Variants in TRPM6 observed in about 807,000 individuals in gnomAD.
The protein encoded by TRPM6 is channel kinase 2.
TRPM6 carries 111 observed loss-of-function variants against 247.6 expected under a neutral mutation model. The ratio of observed to expected loss-of-function variants is 0.45; its 90% CI spans 0.38 to 0.52. TRPM6 has a LOEUF of 0.52. Ranked by LOEUF, TRPM6 falls within the 20% of genes least tolerant of loss-of-function variation. The probability of loss-of-function intolerance (pLI) is 0.00; values close to 1 mark genes in which losing one functional copy is unlikely to be tolerated. For synonymous variants in TRPM6, 892 were observed against 853.8 expected (o/e 1.04, Z -0.78); for missense variants, 2,126 against 2,421.5 (o/e 0.88, Z 2.56).
intron 1 of TRPM6, among the ~76,000 whole-genome samples, chr9:74,868,108 T>C (rs1830910401): frequency 7.1e-6 from 1 of 141,432 alleles, no homozygotes; most frequent in Admixed American, 7.1e-5. Flanking sequence ...AGGCTGAGAT[T>C]GCACCCCTGT....
At chr9:74,755,540 A>G in intron 27 of TRPM6, 67 bp from the exon 28 acceptor site, 1 of 1,600,994 alleles carries the variant, frequency 6.2e-7, no homozygotes, top group African/African-American at 1.3e-5. Flanking sequence ...TCACACTAAC[A>G]GAAGCACCAT....
intron 28 of TRPM6, among the ~76,000 whole-genome samples, chr9:74,753,110 C>CAAAAAAA (rs35980332): frequency 1.1e-4 from 11 of 103,984 alleles, no homozygotes; most frequent in African/African-American, 1.4e-4. Context: ...GAGACTGTCT[C>CAAAAAAA]AAAAAAAAAA....
At chr9:74,775,754 G>T (rs544908755) in intron 24 of TRPM6, 129 bp downstream of exon 24, 111 of 937,056 alleles carry the variant, frequency 1.2e-4, no homozygotes, top group Non-Finnish European at 1.7e-4. Context: ...AGCATCAGCT[G>T]ATATTCTATT....
chr9:74,728,658 A>G (rs967059708), intron 37 of TRPM6, among the ~76,000 whole-genome samples: 4 of 152,240 alleles, frequency 2.6e-5, no homozygotes, highest in Non-Finnish European at 5.9e-5. Flanking sequence ...TTTTTAATGC[A>G]TATGGGGTGA....
At position 74,785,808 on chromosome 9, in the gene TRPM6, C is replaced by A. The variant is rs570289725; in HGVS notation, c.2919+66G>T. On this transcript the variant is annotated intron_variant, in intron 21 of 38. Transcript: ENST00000360774. The stretch of plus-strand genomic sequence containing the variant: ...AAAGTGCTGGGATTACAGGTGTGAG[C>A]CACCACACCTGGCTAAAAATAATTT... 19 of 1,574,854 alleles carry A rather than the reference C, an allele frequency of 1.2e-5. No homozygotes were observed. In the East Asian group the frequency reaches 4.0e-4, roughly 33 times the overall value.
intron 1 of TRPM6, among the ~76,000 whole-genome samples, chr9:74,871,442 G>T (rs1248037590): frequency 6.6e-6 from 1 of 152,004 alleles, no homozygotes; most frequent in Non-Finnish European, 1.5e-5. Context: ...GATTAATAAT[G>T]ATATGTAATA....
At chr9:74,793,589 T>C (rs1187927955) in intron 18 of TRPM6, among the ~76,000 whole-genome samples, 1 of 152,192 alleles carries the variant, frequency 6.6e-6, no homozygotes, top group Non-Finnish European at 1.5e-5. Context: ...TAATGAACAA[T>C]ACAATTATTT....
intron 3 of TRPM6, 120 bp from the exon 4 acceptor site, chr9:74,842,463 G>A: frequency 9.6e-7 from 1 of 1,042,606 alleles, no homozygotes; most frequent in East Asian, 2.6e-5. Flanking sequence ...TCACATTAAG[G>A]TTTATATTAA....
At chr9:74,798,423 G>A (rs979441104) in intron 17 of TRPM6, among the ~76,000 whole-genome samples, 2 of 151,952 alleles carry the variant, frequency 1.3e-5, no homozygotes, top group African/African-American at 4.8e-5. Flanking sequence ...CAATCTTCTA[G>A]GTCTGGAAAA....
intron 6 of TRPM6, among the ~76,000 whole-genome samples, chr9:74,830,421 G>T (rs1171423602): frequency 6.6e-6 from 1 of 151,994 alleles, no homozygotes; most frequent in Non-Finnish European, 1.5e-5. Flanking sequence ...TTTAGACAAG[G>T]TCTAATTCTG....
At chr9:74,766,869 C>T (rs1826843750) in intron 25 of TRPM6, among the ~76,000 whole-genome samples, 1 of 151,968 alleles carries the variant, frequency 6.6e-6, no homozygotes, top group Admixed American at 6.5e-5. Context: ...GAGATCATGC[C>T]ATTGCACTCC....
At chr9:74,807,469 T>G (rs185058915) in intron 14 of TRPM6, among the ~76,000 whole-genome samples, 10 of 152,352 alleles carry the variant, frequency 6.6e-5, no homozygotes, top group Non-Finnish European at 1.5e-4. Context: ...TAGGCAATGT[T>G]TCCTCTGCTA....
chr9:74,794,315 A>C (rs888638863), intron 18 of TRPM6, among the ~76,000 whole-genome samples: 5 of 152,202 alleles, frequency 3.3e-5, no homozygotes, highest in African/African-American at 1.2e-4. Flanking sequence ...TTTTAAGCCA[A>C]GGAATGAATC....
intron 1 of TRPM6, among the ~76,000 whole-genome samples, chr9:74,863,881 C>T (rs1191346622): frequency 2.3e-5 from 3 of 132,936 alleles, no homozygotes; most frequent in Non-Finnish European, 3.3e-5. Context: ...CCACCGCGCC[C>T]GGCAACCTTT....
intron 6 of TRPM6, among the ~76,000 whole-genome samples, chr9:74,828,997 A>C (rs1829451896): frequency 6.6e-6 from 1 of 152,188 alleles, no homozygotes; most frequent in Admixed American, 6.5e-5. Flanking sequence ...ATTTCAAACA[A>C]AATAAAGAGT....
rs534741739 is a variant in TRPM6 at position 74,761,895 on chromosome 9, A to G, written c.4673-87T>C. 2.0e-6 allele frequency: 3 copies of G among 1,502,744 alleles called. No individual in the cohort carries two copies. In the South Asian group the frequency reaches 3.4e-5, roughly 17 times the overall value. 93.1% of individuals were successfully genotyped at this position (1,502,744 alleles called of 1,614,324 possible). ...CAGAAAAAGCTGAGAGAATGGGGAG[A>G]ATGACAATGTGGTTAAGAGTCACAG... On this transcript the variant is annotated intron_variant, in intron 26 of 38. Transcript: ENST00000360774.
At chr9:74,846,504 T>C (rs1401384598) in intron 3 of TRPM6, among the ~76,000 whole-genome samples, 2 of 152,160 alleles carry the variant, frequency 1.3e-5, no homozygotes, top group Non-Finnish European at 2.9e-5. Flanking sequence ...GCAGGAACTT[T>C]AAAAACTGAA....
At chr9:74,769,533 C>A (rs112055462) in intron 25 of TRPM6, among the ~76,000 whole-genome samples, 2 of 151,820 alleles carry the variant, frequency 1.3e-5, no homozygotes, top group East Asian at 1.9e-4. Context: ...TCGAGGGGGG[C>A]GGATCATGAG....
In TRPM6 at chr9:74,827,920, G is replaced by A; in HGVS notation, c.699C>T (p.Asn233=). The stretch of plus-strand genomic sequence containing the variant: ...TGAGTGTTGTGAGCTTGCTGAGGGG[G>A]TTATCCAGAGTCTGGTACAGGCACA... ...DVVCLYQTLD[N]PLSKLTTLNS... Residue 233 remains asparagine, a synonymous_variant, in exon 7 of 39, where the codon AAC becomes AAT. Coordinates refer to ENST00000360774, the MANE Select transcript of TRPM6 (RefSeq NM_017662.5). 1.2e-6 allele frequency: 2 copies of A among 1,614,080 alleles called. No homozygotes were observed. The highest frequency in any genetic ancestry group is 2.2e-5 in the East Asian group (1 of 44,864).
Sources: gnomAD v4.1 joint callset for allele counts (sites outside exome capture counted in the v4.1 genomes callset) on GRCh38, gnomAD v4.1.1 for gene constraint, MANE v1.5 for transcripts, NCBI Gene and HGNC (gene_info 2026-07-23, HGNC 2026-07-21) for gene names.